MYH8: variants seen among roughly 807,000 people sequenced by gnomAD.
MYH8 encodes myosin-8.
In MYH8, 168 loss-of-function variants were observed where a neutral mutation model predicts 233.2. The ratio of observed to expected loss-of-function variants is 0.72; its 90% confidence interval spans 0.64 to 0.82. The LOEUF is 0.82. Among genes scored for constraint, MYH8 ranks in the 40% least tolerant of loss-of-function variants. The probability of loss-of-function intolerance (pLI) is 0.00; values close to 1 mark genes in which losing one functional copy is unlikely to be tolerated. For synonymous variants in MYH8, 785 were observed against 850.6 expected (o/e 0.92, Z 1.34); for missense variants, 1,995 against 2,327.8 (o/e 0.86, Z 2.94).
At position 10,400,249 on chromosome 17, in the gene MYH8, A is replaced by T. The variant is rs1221580991; in HGVS notation, c.3735+141T>A. The T allele has an allele frequency of 2.1e-5, 25 of 1,200,570 alleles. No individual in the cohort carries two copies. Among genetic ancestry groups the T allele is most frequent in the Non-Finnish European group, 2.7e-5 (22 of 824,484 alleles). The allele number at this position is 1,200,570 out of a possible 1,614,324, so 74.4% of individuals were successfully genotyped here. A position where few individuals can be genotyped will look rare whatever the true frequency, so the allele number is the denominator to read the frequency against. ...CTTAATCGATCATAACCAGCATTTT[A>T]AAAAATACCATAGAATGGGATATAT... is the stretch of plus-strand genomic sequence containing the variant. On this transcript the variant is annotated intron_variant, in intron 27 of 39. Coordinates refer to ENST00000403437, the MANE Select transcript of MYH8 (RefSeq NM_002472.3). The surrounding 1 kb of genome is among the most constrained non-coding windows in gnomAD (Gnocchi z 4.0).
rs746645725 is a variant in MYH8, at chr17:10,393,223, G to A, written c.5167-13C>T. 6.8e-6 allele frequency: 11 copies of A among 1,613,996 alleles called. No individual in the cohort carries two copies. In the South Asian group the frequency reaches 1.2e-4, roughly 18 times the overall value. ...TGAGACTGGTATTCTGTTAAAAGTA[G>A]TCGTGGAAATTTACAAAATTTGCAG... On this transcript the variant is annotated splice_polypyrimidine_tract_variant and intron_variant, in intron 35 of 39. Transcript: ENST00000403437.
At position 10,401,393 on chromosome 17, in the gene MYH8, T is replaced by C. The variant is rs1034267182; in HGVS notation, c.2990A>G (p.Lys997Arg). 1 of 1,614,082 alleles carries C rather than the reference T, an allele frequency of 6.2e-7. No homozygotes were observed. The highest frequency in any genetic ancestry group is 8.5e-7 in the Non-Finnish European group (1 of 1,180,014). Residue 997 changes from lysine to arginine, a missense_variant, in exon 24 of 40, where the codon AAG (lysine) becomes AGG (arginine). Lys to Arg is a conservative substitution (Grantham distance 26). This residue lies in a region of MYH8 where 1,498 missense variants were observed against 1,680.9 expected (regional missense o/e 0.89). Transcript: ENST00000403437. ...GGTCTCTTGGAGAGCCTTCTTCTCC[T>C]TGGACAGTTTTGCAATGGTTTCATC... ...GLDETIAKLS[K>R]EKKALQETHQ...
In MYH8 at chr17:10,390,534, G is replaced by A. The variant is rs751931786; in HGVS notation, c.5734C>T (p.Arg1912Trp). Reference sequence around the variant, plus strand: ...ACCTGGGACTCAGCAATGTCAGCCCGTTCCTCGGCCTCCTCCAGCTCATGC... The same window carrying A: ...ACCTGGGACTCAGCAATGTCAGCCCATTCCTCGGCCTCCTCCAGCTCATGC... ...LQHELEEAEE[R>W]ADIAESQVNK... is the part of the protein sequence containing the mutation. Residue 1912 changes from arginine (R) to tryptophan (W), a missense_variant, in exon 40 of 40, where the codon CGG becomes TGG. Physicochemically the swap from Arg to Trp is moderately radical, Grantham distance 101. This residue lies in a region of MYH8 where 1,498 missense variants were observed against 1,680.9 expected (regional missense o/e 0.89). Transcript: ENST00000403437. 7.4e-6 allele frequency: 12 copies of A among 1,614,058 alleles called. No homozygotes were observed. The highest frequency in any genetic ancestry group is 5.3e-5 in the African/African-American group (4 of 74,930).
intron 22 of MYH8, among the ~76,000 whole-genome samples, chr17:10,402,414 C>G (rs1169737099): frequency 6.6e-6 from 1 of 152,026 alleles, no homozygotes; most frequent in African/African-American, 2.4e-5. Context: ...TTTACATTTC[C>G]ATTTACAGAA....
In MYH8 at chr17:10,415,768, A is replaced by G; in HGVS notation, c.512-60T>C. ...GCATATTTAATATGAAGAGTATTGAATCAGTTCAGATCAAACACAGCTTGT... is the reference window on the plus strand; with the variant it reads ...GCATATTTAATATGAAGAGTATTGAGTCAGTTCAGATCAAACACAGCTTGT... On this transcript the variant is annotated intron_variant, in intron 5 of 39. Transcript: ENST00000403437. This position sits in a 1 kb window ranked among gnomAD's most constrained non-coding sequence, Gnocchi z 4.1. The G allele has an allele frequency of 1.3e-6, 2 of 1,529,198 alleles. No individual in the cohort carries two copies. Among genetic ancestry groups the G allele is most frequent in the Non-Finnish European group, 1.8e-6 (2 of 1,116,750 alleles). 94.7% of individuals were successfully genotyped at this position (1,529,198 alleles called of 1,614,324 possible).
chr17:10,398,702 C>T, intron 29 of MYH8, 62 bp from the exon 30 acceptor site: 1 of 1,613,966 alleles, frequency 6.2e-7, no homozygotes, highest in South Asian at 1.1e-5. Flanking sequence ...ACTTACACAT[C>T]CCAAGTAGAG....
rs2142184636 is a variant in MYH8 at position 10,410,778 on chromosome 17, T to C, written c.1586A>G (p.Lys529Arg). The C allele has an allele frequency of 3.1e-6, 5 of 1,613,984 alleles. No homozygotes were observed. The highest frequency in any genetic ancestry group is 4.2e-6 in the Non-Finnish European group (5 of 1,179,874). ...DLAACIELIE[K>R]PLGIFSILEE... ...CCCTTCTTTGGAAACCAAACCGACC[T>C]TCTCAATGAGCTCAATGCAGGCAGC... The change falls in exon 15 of 40, where the codon AAG (lysine) becomes AGG (arginine). Residue 529 changes from lysine to arginine, a missense_variant and splice_region_variant. Lys to Arg is a conservative substitution (Grantham distance 26). Coordinates refer to ENST00000403437, the MANE Select transcript of MYH8 (RefSeq NM_002472.3).
Position 10,396,222 on chromosome 17 carries a change from A to T in MYH8, c.4653+108T>A. Reference sequence around the variant, plus strand: ...TTAAGGATTTTGATAACTATTGCCAAGTTGTCCTTCATAAAGATCCTGTGA... The same window carrying T: ...TTAAGGATTTTGATAACTATTGCCATGTTGTCCTTCATAAAGATCCTGTGA... On this transcript the variant is annotated intron_variant, in intron 33 of 39. Coordinates refer to ENST00000403437, the MANE Select transcript of MYH8 (RefSeq NM_002472.3). The surrounding 1 kb of genome is among the most constrained non-coding windows in gnomAD (Gnocchi z 4.2). The T allele has an allele frequency of 1.5e-6, 2 of 1,316,732 alleles. No homozygotes were observed. The highest frequency in any genetic ancestry group is 2.1e-6 in the Non-Finnish European group (2 of 939,136). The allele number at this position is 1,316,732 out of a possible 1,614,324, so 81.6% of individuals were successfully genotyped here. A position where few individuals can be genotyped will look rare whatever the true frequency, so the allele number is the denominator to read the frequency against.
rs1002097224 is a variant in MYH8 at position 10,414,222 on chromosome 17, A to G, written c.978T>C (p.Ile326=). The G allele has an allele frequency of 6.2e-7, 1 of 1,614,150 alleles. No homozygotes were observed. The highest frequency in any genetic ancestry group is 8.5e-7 in the Non-Finnish European group (1 of 1,179,988). ...VSQGEITVPS[I]DDQEELMATD... is the part of the protein sequence containing the mutation. ...TGGCCATCAACTCTTCTTGGTCATC[A>G]ATACTGGGAACTGTGATCTCCCCCT... Residue 326 remains isoleucine, a synonymous_variant, in exon 11 of 40, where the codon ATT becomes ATC. Transcript: ENST00000403437.
chr17:10,412,303 A>G, intron 14 of MYH8, 67 bp downstream of exon 14: 2 of 1,613,796 alleles, frequency 1.2e-6, no homozygotes, highest in East Asian at 4.5e-5. Flanking sequence ...GTGGATGAAT[A>G]ATGATAATAC....
intron 39 of MYH8, among the ~76,000 whole-genome samples, chr17:10,391,497 C>T (rs781563902): frequency 1.3e-5 from 2 of 151,916 alleles, no homozygotes; most frequent in African/African-American, 4.8e-5. Context: ...CTGGCCAACA[C>T]GGTGAAGCCC....
At position 10,398,454 on chromosome 17, in the gene MYH8, C is replaced by T; in HGVS notation, c.4168G>A (p.Glu1390Lys). The change falls in exon 30 of 40, where the codon GAG (glutamate) becomes AAG (lysine). Residue 1390 changes from glutamate (E) to lysine (K), a missense_variant. Glu to Lys is a moderately conservative substitution (Grantham distance 56, BLOSUM62 1). Transcript: ENST00000403437. Reference protein sequence around the residue: ...TDAIQRTEELEEAKKKLAQRL... With the variant: ...TDAIQRTEELKEAKKKLAQRL... ...GTTCACAGCACATACTTGGCCTCCT[C>T]CAGCTCCTCTGTGCGCTGGATGGCA... is the stretch of plus-strand genomic sequence containing the variant. 5 of 1,613,998 alleles carry T rather than the reference C, an allele frequency of 3.1e-6. No individual in the cohort carries two copies. The highest frequency in any genetic ancestry group is 4.2e-6 in the Non-Finnish European group (5 of 1,179,880).
chr17:10,407,838 C>T (rs1444903764), intron 17 of MYH8, among the ~76,000 whole-genome samples: 4 of 143,894 alleles, frequency 2.8e-5, no homozygotes, highest in Admixed American at 2.1e-4. Context: ...GACTCTGTCT[C>T]GAAAAAAAAA....
In MYH8 at chr17:10,390,428, C is replaced by T. The variant is rs768298296; in HGVS notation, c.*26G>A. 2 of 1,612,632 alleles carry T rather than the reference C, an allele frequency of 1.2e-6. No homozygotes were observed. Among genetic ancestry groups the T allele is most frequent in the Non-Finnish European group, 1.7e-6 (2 of 1,180,002 alleles). Reference sequence around the variant, plus strand: ...AGCACATTTTGTGCCTTTCTTCAGCCTCTTGATAGCATCAGGCAGGTGTGT... The same window carrying T: ...AGCACATTTTGTGCCTTTCTTCAGCTTCTTGATAGCATCAGGCAGGTGTGT... On this transcript the variant is annotated 3_prime_UTR_variant, in exon 40 of 40. Coordinates refer to ENST00000403437, the MANE Select transcript of MYH8 (RefSeq NM_002472.3).
chr17:10,415,491 TC>T lies in MYH8; in HGVS notation c.628del (p.Asp210MetfsTer30). The T allele has an allele frequency of 6.2e-7, 1 of 1,614,232 alleles. No individual in the cohort carries two copies. Among genetic ancestry groups the T allele is most frequent in the Non-Finnish European group, 8.5e-7 (1 of 1,180,026 alleles). On this transcript the variant is annotated frameshift_variant, in exon 7 of 40. Coordinates refer to ENST00000403437, the MANE Select transcript of MYH8 (RefSeq NM_002472.3). LOFTEE classifies it high-confidence loss of function. This position sits in a 1 kb window ranked among gnomAD's most constrained non-coding sequence, Gnocchi z 4.1. Reference protein sequence around the residue: ...TIAVTGEKKKDESGKMQGTLE... With the variant: ...TIAVTGEKKKXESGKMQGTLE... ...ACCTACCTGCATTTTGCCAGATTCA[TC>T]CTTCTTCTTCTCTCCAGTAACTGCA...
chr17:10,397,679 C>T (rs1296798634), intron 30 of MYH8, among the ~76,000 whole-genome samples: 1 of 152,150 alleles, frequency 6.6e-6, no homozygotes, highest in East Asian at 1.9e-4. Context: ...CATTCTCACT[C>T]CAATATGGAT....
At position 10,392,814 on chromosome 17, in the gene MYH8, G is replaced by A; in HGVS notation, c.5463+17C>T. ...CCCTTTTTCCCTTCCCAGATTTAGA[G>A]AGATTGAGACACCCACCCTGGCCTC... On this transcript the variant is annotated intron_variant, in intron 37 of 39. Transcript: ENST00000403437. 1 of 1,614,146 alleles carries A rather than the reference G, an allele frequency of 6.2e-7. No individual in the cohort carries two copies. The highest frequency in any genetic ancestry group is 8.5e-7 in the Non-Finnish European group (1 of 1,180,036).
chr17:10,392,443 C>A, intron 38 of MYH8, 99 bp downstream of exon 38: 5 of 1,068,388 alleles, frequency 4.7e-6, no homozygotes, highest in Non-Finnish European at 7.3e-6. Flanking sequence ...CAAGTTAATG[C>A]GTATTTGTTT....
chr17:10,414,138 G>T lies in MYH8; in HGVS notation c.1008+54C>A. On this transcript the variant is annotated intron_variant, in intron 11 of 39. Transcript: ENST00000403437. Reference sequence around the variant, plus strand: ...AAGGTAACCACACCTACAGTAGTTTGCTATTGTCATTTCCATACATAATGG... The same window carrying T: ...AAGGTAACCACACCTACAGTAGTTTTCTATTGTCATTTCCATACATAATGG... 12 of 1,603,994 alleles carry T rather than the reference G, an allele frequency of 7.5e-6. 1 individual carries two copies. The highest frequency in any genetic ancestry group is 3.4e-6 in the Non-Finnish European group (4 of 1,170,804).
Sources: allele counts gnomAD v4.1 joint callset (sites outside exome capture counted in the v4.1 genomes callset), GRCh38; gene constraint gnomAD v4.1.1; regional missense constraint gnomAD v4.1.1; non-coding constraint Gnocchi (gnomAD v3.1); transcripts MANE v1.5; gene names NCBI Gene and HGNC (gene_info 2026-07-23, HGNC 2026-07-21).